CD53: variants seen among roughly 807,000 people sequenced by gnomAD.
CD53 encodes the protein leukocyte surface antigen CD53.
In CD53, 20 loss-of-function variants were observed where a neutral mutation model predicts 27.3. The ratio of observed to expected loss-of-function variants is 0.73; its 90% CI spans 0.52 to 1.07. CD53 has a LOEUF of 1.07. Among genes scored for constraint, CD53 ranks in the 50% least tolerant of loss-of-function variants. The probability of loss-of-function intolerance (pLI) is 0.00; values close to 1 mark genes in which losing one functional copy is unlikely to be tolerated. For synonymous variants in CD53, 106 were observed against 105.3 expected, an observed-to-expected ratio of 1.01 and a Z score of -0.04; for missense variants, 216 against 264.0, an observed-to-expected ratio of 0.82 and a Z score of 1.26.
At chr1:110,894,448 G>C (rs1656978643) in intron 4 of CD53, 47 bp downstream of exon 4, 2 of 1,417,128 alleles carry the variant, frequency 1.4e-6, no homozygotes, top group East Asian at 4.6e-5. Flanking sequence ...TGAAAGTGGG[G>C]AGTATGCAGT....
At chr1:110,888,990 C>T (rs2101055333) in intron 1 of CD53, among the ~76,000 whole-genome samples, 1 of 152,250 alleles carries the variant, frequency 6.6e-6, no homozygotes, top group South Asian at 2.1e-4. Context: ...TGTTACTGTT[C>T]TTTGGGACTT....
chr1:110,896,554 A>T, intron 5 of CD53, 99 bp from the exon 6 acceptor site: 1 of 1,070,440 alleles, frequency 9.3e-7, no homozygotes, highest in Non-Finnish European at 1.4e-6. Flanking sequence ...CTTCTGCTAT[A>T]GAGTCAGATC....
chr1:110,878,011 G>A (rs544217435), intron 1 of CD53, among the ~76,000 whole-genome samples: 98 of 152,288 alleles, frequency 6.4e-4, no homozygotes, highest in African/African-American at 2.2e-3. Flanking sequence ...AGCCTGGGAC[G>A]GTGGAAAGAG....
At chr1:110,883,520 A>G (rs935245715) in intron 1 of CD53, among the ~76,000 whole-genome samples, 1 of 151,824 alleles carries the variant, frequency 6.6e-6, no homozygotes, top group East Asian at 1.9e-4. Context: ...ATTTCTTGTA[A>G]TATCTTTCTG....
intron 6 of CD53, among the ~76,000 whole-genome samples, chr1:110,896,988 G>A (rs1457863021): frequency 6.6e-6 from 1 of 152,214 alleles, no homozygotes; most frequent in African/African-American, 2.4e-5. Flanking sequence ...TTACTTTTGT[G>A]TGAAAGTAGG....
intron 1 of CD53, 141 bp downstream of exon 1, chr1:110,873,389 C>G (rs563785003): frequency 6.6e-6 from 1 of 152,646 alleles, no homozygotes; most frequent in Admixed American, 6.5e-5. Flanking sequence ...CAAAGTAAAA[C>G]AGATTAGCAA....
chr1:110,884,453 G>T (rs1023293711), intron 1 of CD53, among the ~76,000 whole-genome samples: 18 of 151,978 alleles, frequency 1.2e-4, no homozygotes, highest in Non-Finnish European at 2.5e-4. Flanking sequence ...GTTGTGGGGT[G>T]GAGTGTTCTA....
intron 6 of CD53, 88 bp downstream of exon 6, chr1:110,896,821 CT>C: frequency 9.0e-7 from 1 of 1,115,256 alleles, no homozygotes; most frequent in Non-Finnish European, 1.3e-6. Context: ...GGACCTAGAC[CT>C]TCTATTGAGA....
At chr1:110,897,150 T>A (rs1657103290) in intron 6 of CD53, among the ~76,000 whole-genome samples, 1 of 152,166 alleles carries the variant, frequency 6.6e-6, no homozygotes, top group South Asian at 2.1e-4. Context: ...CTTAGGGAAA[T>A]GAATCATAGG....
intron 1 of CD53, among the ~76,000 whole-genome samples, chr1:110,890,751 T>C (rs1009494448): frequency 3.9e-5 from 6 of 152,232 alleles, no homozygotes; most frequent in Non-Finnish European, 1.5e-5. Flanking sequence ...TACTTCCCCA[T>C]TGCATATTTG....
At chr1:110,878,776 G>C (rs1656224260) in intron 1 of CD53, among the ~76,000 whole-genome samples, 1 of 152,046 alleles carries the variant, frequency 6.6e-6, no homozygotes. Context: ...GCCTTTTATT[G>C]CTGGGATTTT....
chr1:110,893,090 G>A (rs1656920019), intron 3 of CD53, among the ~76,000 whole-genome samples: 1 of 152,162 alleles, frequency 6.6e-6, no homozygotes, highest in Admixed American at 6.5e-5. Context: ...TCCCTATCAG[G>A]TACTATCCTG....
At position 110,892,443 on chromosome 1, in the gene CD53, T is replaced by C; in HGVS notation, c.162T>C (p.Asn54=). 2 of 1,613,840 alleles carry C rather than the reference T, an allele frequency of 1.2e-6. No homozygotes were observed. The highest frequency in any genetic ancestry group is 1.7e-6 in the Non-Finnish European group (2 of 1,179,778). Residue 54 remains asparagine, a synonymous_variant, in exon 3 of 8, where the codon AAT becomes AAC. Transcript: ENST00000271324. ...FHNLPSLTLG[N]VFVIVGSIIM... is the part of the protein sequence containing the mutation. Reference sequence around the variant, plus strand: ...ACCTCCCCTCCCTCACGCTGGGCAATGTGTTTGTCATCGTGGGCTCTATTA... The same window carrying C: ...ACCTCCCCTCCCTCACGCTGGGCAACGTGTTTGTCATCGTGGGCTCTATTA...
chr1:110,898,379 G>GAAAAAAAA lies in CD53; in HGVS notation c.588+497_588+504dup, dbSNP rs11390194. ...GCGACAGAGCGAGACTCTGTCTCCA[G>GAAAAAAAA]AAAAAAAAAAAAAAAAAGAACATCT... On this transcript the variant is annotated intron_variant, in intron 7 of 7. Coordinates refer to ENST00000271324, the MANE Select transcript of CD53 (RefSeq NM_000560.4). Among the ~76,000 whole-genome samples, 3 of 115,658 alleles carry GAAAAAAAA rather than the reference G, an allele frequency of 2.6e-5. No individual in the cohort carries two copies. The East Asian group carries it at 7.7e-4, about 30-fold the overall frequency. 75.9% of individuals were successfully genotyped at this position (115,658 alleles called of 152,430 possible). A position where few individuals can be genotyped will look rare whatever the true frequency, so the allele number is the denominator to read the frequency against.
At chr1:110,883,034 G>C (rs140546733) in intron 1 of CD53, among the ~76,000 whole-genome samples, 37 of 151,814 alleles carry the variant, frequency 2.4e-4, no homozygotes, top group African/African-American at 8.2e-4. Flanking sequence ...TTTCTTTCCA[G>C]TTTGGATGCC....
chr1:110,895,156 G>T, intron 5 of CD53, 101 bp downstream of exon 5: 1 of 842,006 alleles, frequency 1.2e-6, no homozygotes, highest in Non-Finnish European at 2.0e-6. Flanking sequence ...AGAATCTAAG[G>T]TCCACATCCC....
At chr1:110,882,696 C>A (rs553686731) in intron 1 of CD53, among the ~76,000 whole-genome samples, 1 of 151,880 alleles carries the variant, frequency 6.6e-6, no homozygotes, top group African/African-American at 2.4e-5. Context: ...GGTAGATGGA[C>A]GTGGTATATC....
chr1:110,890,167 T>C (rs1262741400), intron 1 of CD53, among the ~76,000 whole-genome samples: 4 of 152,110 alleles, frequency 2.6e-5, no homozygotes, highest in African/African-American at 9.7e-5. Context: ...AAGGCATAAT[T>C]TTAATGGAAA....
intron 1 of CD53, among the ~76,000 whole-genome samples, chr1:110,883,358 G>C (rs972785579): frequency 6.6e-6 from 1 of 151,878 alleles, no homozygotes; most frequent in East Asian, 1.9e-4. Flanking sequence ...TAATTAAGTA[G>C]TTTTTTCAAT....
Sources: allele counts gnomAD v4.1 joint callset (sites outside exome capture counted in the v4.1 genomes callset), GRCh38; gene constraint gnomAD v4.1.1; transcripts MANE v1.5; gene names NCBI Gene and HGNC (gene_info 2026-07-23, HGNC 2026-07-21).